Variants in CABP1 observed in about 807,000 individuals in gnomAD.
CABP1 encodes the protein calcium-binding protein 1.
A neutral mutation model predicts 34.3 loss-of-function variants in CABP1; 17 were observed. That is an observed-to-expected ratio of 0.50 (90% CI 0.34 to 0.74). The LOEUF (loss-of-function observed/expected upper bound fraction) is 0.74. Among genes scored for constraint, CABP1 ranks in the 30% least tolerant of loss-of-function variants. The pLI is 0.01. For synonymous variants in CABP1, 198 were observed against 229.2 expected, an observed-to-expected ratio of 0.86 and a Z score of 1.23; for missense variants, 373 against 511.1, an observed-to-expected ratio of 0.73 and a Z score of 2.61.
chr12:120,659,702 C>T (rs1036102573), intron 1 of CABP1, 176 bp from the exon 2 acceptor site: 1 of 591,780 alleles, frequency 1.7e-6, no homozygotes, highest in Non-Finnish European at 3.0e-6. Context: ...GCTTCTATGT[C>T]TAAGGGAGAT....
the CABP1 span, among the ~76,000 whole-genome samples, chr12:120,672,643 C>CT: frequency 1.4e-5 from 2 of 144,336 alleles, no homozygotes; most frequent in African/African-American, 5.1e-5. Flanking sequence ...TCAAAAGAGA[C>CT]TAAAAAGTAT....
intron 1 of CABP1, among the ~76,000 whole-genome samples, chr12:120,646,068 G>A (rs1157963438): frequency 1.3e-5 from 2 of 152,178 alleles, no homozygotes; most frequent in East Asian, 1.9e-4. Flanking sequence ...AAGTAAATAA[G>A]TAGGTGGCAG....
the CABP1 span, among the ~76,000 whole-genome samples, chr12:120,676,442 T>G: frequency 6.6e-6 from 1 of 152,142 alleles, no homozygotes; most frequent in Non-Finnish European, 1.5e-5. Flanking sequence ...TCTTTTTTTT[T>G]TTGAGACAGA....
chr12:120,672,162 A>C (rs1211083325), downstream of CABP1, among the ~76,000 whole-genome samples: 1 of 152,156 alleles, frequency 6.6e-6, no homozygotes, highest in East Asian at 1.9e-4. Context: ...AAGGGATCAA[A>C]TCTGAATCTG....
intron 1 of CABP1, among the ~76,000 whole-genome samples, chr12:120,647,881 C>T (rs1287784055): frequency 6.6e-6 from 1 of 152,046 alleles, no homozygotes; most frequent in Non-Finnish European, 1.5e-5. Flanking sequence ...CACGCCCCGC[C>T]CCAAGCTCTT....
In CABP1 at chr12:120,663,856, G is replaced by A. The variant is rs113883197; in HGVS notation, c.1087+2638G>A. 7.7e-3 allele frequency among the ~76,000 whole-genome samples: 1,179 copies of A among 152,280 alleles called. 17 individuals are homozygous for A. Among genetic ancestry groups the A allele is most frequent in the African/African-American group, 0.026 (1,091 of 41,550 alleles). On this transcript the variant is annotated intron_variant, in intron 5 of 5. Transcript: ENST00000316803. ...AGCAGAATGCAGTCTTGTGCATGAC[G>A]CCATGTGAGGCACTACGGGATACAG...
At chr12:120,657,161 T>G (rs1183677628) in intron 1 of CABP1, among the ~76,000 whole-genome samples, 1 of 152,214 alleles carries the variant, frequency 6.6e-6, no homozygotes, top group African/African-American at 2.4e-5. Flanking sequence ...ACTAAGGAAC[T>G]GAATTATGGA....
intron 1 of CABP1, chr12:120,650,180 C>T (rs371827986): frequency 6.3e-6 from 1 of 159,714 alleles, no homozygotes. Context: ...TCTGGGCCCC[C>T]CTCCCTGAGG....
chr12:120,676,258 A>G, the CABP1 span, among the ~76,000 whole-genome samples: 1 of 152,214 alleles, frequency 6.6e-6, no homozygotes, highest in Admixed American at 6.5e-5. Flanking sequence ...TGGTGTGGAT[A>G]GACTACCTTC....
At chr12:120,644,135 T>A (rs546969158) in intron 1 of CABP1, among the ~76,000 whole-genome samples, 3 of 152,328 alleles carry the variant, frequency 2.0e-5, no homozygotes, top group African/African-American at 7.2e-5. Context: ...TCACTTTCGA[T>A]CTCTGTGTCC....
the CABP1 span, among the ~76,000 whole-genome samples, chr12:120,677,264 T>C: frequency 4.0e-5 from 6 of 151,842 alleles, no homozygotes; most frequent in Admixed American, 2.0e-4. Flanking sequence ...ATTTTCGTAT[T>C]TTTGGTAGAG....
At chr12:120,676,459 C>T in the CABP1 span, among the ~76,000 whole-genome samples, 3 of 151,548 alleles carry the variant, frequency 2.0e-5, no homozygotes, top group South Asian at 2.1e-4. Flanking sequence ...CAGAGTTTTG[C>T]TCTTGTTGCC....
chr12:120,666,024 A>G (rs1356406576), intron 5 of CABP1, among the ~76,000 whole-genome samples: 1 of 149,704 alleles, frequency 6.7e-6, no homozygotes, highest in Non-Finnish European at 1.5e-5. Flanking sequence ...TCTCAAAAAA[A>G]AAAAAAAGAA....
intron 1 of CABP1, among the ~76,000 whole-genome samples, chr12:120,643,797 G>A (rs117161854): frequency 6.6e-6 from 1 of 152,334 alleles, no homozygotes; most frequent in East Asian, 1.9e-4. Context: ...GAGATACGGA[G>A]AGATAGAGAG....
chr12:120,677,390 C>CTTTT, the CABP1 span, among the ~76,000 whole-genome samples: 428 of 76,712 alleles, frequency 5.6e-3, 5 homozygotes, highest in Middle Eastern at 0.013. Context: ...GCCCAGCCTT[C>CTTTT]TTTTTTTTTT....
intron 1 of CABP1, among the ~76,000 whole-genome samples, chr12:120,649,667 C>G (rs1210193638): frequency 1.3e-5 from 2 of 152,092 alleles, no homozygotes; most frequent in African/African-American, 2.4e-5. Context: ...TTGCTCATGC[C>G]CTCTCTGCCT....
At chr12:120,657,886 T>C (rs1247257092) in intron 1 of CABP1, among the ~76,000 whole-genome samples, 3 of 152,044 alleles carry the variant, frequency 2.0e-5, no homozygotes, top group Non-Finnish European at 4.4e-5. Context: ...TGGGAAAGGA[T>C]TTATTGGGTC....
chr12:120,642,995 G>GGAAAA, intron 1 of CABP1, among the ~76,000 whole-genome samples: 1 of 69,506 alleles, frequency 1.4e-5, no homozygotes, highest in African/African-American at 7.6e-5. Flanking sequence ...CTCAGCTCCT[G>GGAAAA]AAAAAAAAAA....
Position 120,666,993 on chromosome 12 carries a change from CAGGATGTACTGGCGG to C in CABP1, c.*95_*109del. The C allele has an allele frequency of 6.8e-7, 1 of 1,478,920 alleles. No individual in the cohort carries two copies. The highest frequency in any genetic ancestry group is 2.0e-5 in the Admixed American group (1 of 51,070). The allele number at this position is 1,478,920 out of a possible 1,614,324, so 91.6% of individuals were successfully genotyped here. A position where few individuals can be genotyped will look rare whatever the true frequency, so the allele number is the denominator to read the frequency against. The stretch of plus-strand genomic sequence containing the variant: ...TCACCCGCTGTAGCCGCCGAGAGCC[CAGGATGTACTGGCGG>C]ATGGGGCCTGCCTGCACCCCGGGGA... On this transcript the variant is annotated 3_prime_UTR_variant, in exon 6 of 6. Coordinates refer to ENST00000316803, the MANE Select transcript of CABP1 (RefSeq NM_001033677.2).
Sources: allele counts gnomAD v4.1 joint callset (sites outside exome capture counted in the v4.1 genomes callset), GRCh38; gene constraint gnomAD v4.1.1; transcripts MANE v1.5; gene names NCBI Gene and HGNC (gene_info 2026-07-23, HGNC 2026-07-21).